Variants in CDH12 observed in about 807,000 individuals in gnomAD.
CDH12 encodes cadherin 12.
A neutral mutation model predicts 74.1 loss-of-function variants in CDH12; 41 were observed. The observed-to-expected ratio is 0.55, with a 90% CI of 0.43 to 0.72. The LOEUF (loss-of-function observed/expected upper bound fraction) is 0.72, where lower values mean the gene tolerates loss of function less well. CDH12 is among the 30% of genes least tolerant of loss of function. CDH12 has a pLI of 0.00. For missense variants in CDH12, 945 were observed against 977.2 expected (o/e 0.97, Z 0.44); for synonymous variants, 399 against 355.0 (o/e 1.12, Z -1.39).
chr5:22,462,510 C>G (rs1345834650), intron 2 of CDH12, among the ~76,000 whole-genome samples: 1 of 152,172 alleles, frequency 6.6e-6, no homozygotes, highest in Non-Finnish European at 1.5e-5. Flanking sequence ...ATCAAACTAA[C>G]TACCTGGGTG....
chr5:22,035,473 A>C (rs1433588325), intron 5 of CDH12, among the ~76,000 whole-genome samples: 1 of 152,048 alleles, frequency 6.6e-6, no homozygotes, highest in African/African-American at 2.4e-5. Context: ...GTATAAAAAC[A>C]TGTGAAAACT....
intron 1 of CDH12, among the ~76,000 whole-genome samples, chr5:22,850,726 C>A (rs979730397): frequency 6.6e-6 from 1 of 151,992 alleles, no homozygotes; most frequent in Non-Finnish European, 1.5e-5. Flanking sequence ...CACTCTTTCC[C>A]TTTGGAAGTA....
chr5:21,900,624 C>CT (rs1043007678), intron 6 of CDH12, among the ~76,000 whole-genome samples: 15 of 152,118 alleles, frequency 9.9e-5, no homozygotes, highest in Admixed American at 5.9e-4. Flanking sequence ...TGGTATTTAT[C>CT]TTTTTTCACT....
intron 4 of CDH12, among the ~76,000 whole-genome samples, chr5:22,187,144 A>G (rs1432631842): frequency 6.6e-6 from 1 of 152,238 alleles, no homozygotes; most frequent in Non-Finnish European, 1.5e-5. Context: ...GATTGCTCTT[A>G]TGCAAACACT....
At chr5:22,491,610 C>A (rs369332415) in intron 2 of CDH12, among the ~76,000 whole-genome samples, 463 of 120,660 alleles carry the variant, frequency 3.8e-3, no homozygotes, top group Non-Finnish European at 4.5e-3. Flanking sequence ...AGCTAATGAG[C>A]AAAAAAAAAA....
chr5:22,573,062 A>T (rs1452785546), intron 1 of CDH12, among the ~76,000 whole-genome samples: 1 of 152,206 alleles, frequency 6.6e-6, no homozygotes, highest in Non-Finnish European at 1.5e-5. Flanking sequence ...CCTCTCCAAG[A>T]TTCAATAAAT....
At chr5:22,264,584 GGTT>G (rs1014187689) in intron 3 of CDH12, among the ~76,000 whole-genome samples, 1 of 152,162 alleles carries the variant, frequency 6.6e-6, no homozygotes. Context: ...AATTATCAGA[GGTT>G]GTTGTGAGGA....
At chr5:21,987,650 C>T (rs1247179070) in intron 5 of CDH12, among the ~76,000 whole-genome samples, 1 of 152,150 alleles carries the variant, frequency 6.6e-6, no homozygotes, top group Non-Finnish European at 1.5e-5. Flanking sequence ...CTGACTGATA[C>T]TGAGGGAAGT....
intron 5 of CDH12, among the ~76,000 whole-genome samples, chr5:22,001,069 A>C (rs1211205643): frequency 1.3e-5 from 2 of 152,158 alleles, no homozygotes; most frequent in Non-Finnish European, 2.9e-5. Context: ...GTAAAAACAC[A>C]GACGTGACTT....
rs70959720 is a variant in CDH12, at chr5:22,355,523, AATAT to A, written c.-333+49730_-333+49733del. ...GATATATATATTTCCTTAAAAAAAA[AATAT>A]ATATATATATATATAAAACTATCTT... On this transcript the variant is annotated intron_variant, in intron 3 of 14. Coordinates refer to ENST00000382254, the MANE Select transcript of CDH12 (RefSeq NM_004061.5). 8.8e-4 allele frequency among the ~76,000 whole-genome samples: 74 copies of A among 84,022 alleles called. 1 individual carries two copies. The highest frequency in any genetic ancestry group is 2.7e-3 in the East Asian group (9 of 3,284). The allele number at this position is 84,022 out of a possible 152,430, so 55.1% of individuals were successfully genotyped here.
At chr5:22,186,465 T>G (rs904951429) in intron 4 of CDH12, among the ~76,000 whole-genome samples, 3 of 152,110 alleles carry the variant, frequency 2.0e-5, no homozygotes, top group Admixed American at 6.5e-5. Flanking sequence ...ACAGGATTTG[T>G]GTTTGGTTTT....
At chr5:22,111,747 C>A (rs1744828638) in intron 4 of CDH12, among the ~76,000 whole-genome samples, 1 of 152,110 alleles carries the variant, frequency 6.6e-6, no homozygotes, top group East Asian at 1.9e-4. Flanking sequence ...AAAAGATGGC[C>A]TACCTTTGGA....
chr5:22,051,284 C>T (rs758135791), intron 5 of CDH12, among the ~76,000 whole-genome samples: 13 of 151,958 alleles, frequency 8.6e-5, no homozygotes, highest in African/African-American at 2.4e-4. Context: ...TAAGAGATGT[C>T]GTTATTGCTT....
At chr5:21,951,203 G>T (rs540321538) in intron 6 of CDH12, among the ~76,000 whole-genome samples, 114 of 152,134 alleles carry the variant, frequency 7.5e-4, no homozygotes, top group African/African-American at 2.7e-3. Flanking sequence ...AGTATCATTA[G>T]ACCTAGAAAT....
chr5:22,541,194 A>G (rs1055510543), intron 1 of CDH12, among the ~76,000 whole-genome samples: 3 of 152,172 alleles, frequency 2.0e-5, no homozygotes, highest in Admixed American at 6.6e-5. Context: ...TGAGCAGACA[A>G]TGGTGTCAGA....
chr5:21,861,262 A>T (rs1751030160), intron 6 of CDH12, among the ~76,000 whole-genome samples: 1 of 151,742 alleles, frequency 6.6e-6, no homozygotes. Flanking sequence ...ACTAACCTGT[A>T]TTTCAGTTTT....
chr5:22,733,176 C>A (rs946152918), intron 1 of CDH12, among the ~76,000 whole-genome samples: 4 of 151,676 alleles, frequency 2.6e-5, no homozygotes, highest in Non-Finnish European at 5.9e-5. Context: ...TTACTTTATT[C>A]CTATCTGAGT....
chr5:22,601,291 G>T (rs1736843453), intron 1 of CDH12, among the ~76,000 whole-genome samples: 1 of 151,892 alleles, frequency 6.6e-6, no homozygotes, highest in African/African-American at 2.4e-5. Flanking sequence ...ATTAAGCCTA[G>T]TACACATTAG....
intron 1 of CDH12, among the ~76,000 whole-genome samples, chr5:22,588,735 G>A (rs1467080485): frequency 1.3e-5 from 2 of 152,030 alleles, no homozygotes; most frequent in African/African-American, 2.4e-5. Flanking sequence ...TAATCTGCTG[G>A]TACCTTACTC....
Sources: gnomAD v4.1 joint callset for allele counts (sites outside exome capture counted in the v4.1 genomes callset) on GRCh38, gnomAD v4.1.1 for gene constraint, MANE v1.5 for transcripts, NCBI Gene and HGNC (gene_info 2026-07-23, HGNC 2026-07-21) for gene names.